The following NBAS variants were observed in gnomAD, a reference collection of about 807,000 sequenced individuals.
The protein encoded by NBAS is NAG/BC035112 fusion.
In NBAS, 219 loss-of-function variants were observed where a neutral mutation model predicts 302.5. The observed-to-expected ratio is 0.72, with a 90% CI of 0.65 to 0.81. NBAS has a LOEUF of 0.81. Ranked by LOEUF, NBAS falls within the 30% of genes least tolerant of loss-of-function variation. NBAS has a pLI of 0.00. For missense variants in NBAS, 2,932 were observed against 2,841.6 expected (o/e 1.03, Z -0.72); for synonymous variants, 1,118 against 1,021.6 (o/e 1.09, Z -1.80).
At chr2:14,788,387 G>A in the NBAS span, among the ~76,000 whole-genome samples, 1 of 152,282 alleles carries the variant, frequency 6.6e-6, no homozygotes, top group Non-Finnish European at 1.5e-5. Flanking sequence ...TTTGGAGGAG[G>A]AGAGGCGCTC....
chr2:14,891,599 A>G, the NBAS span, among the ~76,000 whole-genome samples: 1 of 152,208 alleles, frequency 6.6e-6, no homozygotes, highest in Non-Finnish European at 1.5e-5. Flanking sequence ...CTATACTGTC[A>G]TTCCCATTTA....
the NBAS span, among the ~76,000 whole-genome samples, chr2:15,082,808 T>C: frequency 6.6e-6 from 1 of 152,144 alleles, no homozygotes; most frequent in Admixed American, 6.5e-5. Flanking sequence ...CTGGTATCTG[T>C]GTTGGGAGCC....
At chr2:15,138,703 A>G in the NBAS span, among the ~76,000 whole-genome samples, 3 of 152,112 alleles carry the variant, frequency 2.0e-5, no homozygotes, top group Non-Finnish European at 4.4e-5. Context: ...CAAAAAAAAA[A>G]GCAATAACCA....
At chr2:15,100,357 C>T in the NBAS span, among the ~76,000 whole-genome samples, 6 of 152,154 alleles carry the variant, frequency 3.9e-5, no homozygotes, top group South Asian at 2.1e-4. Context: ...ATAGCTCACA[C>T]GTGAAATTCA....
intron 44 of NBAS, among the ~76,000 whole-genome samples, chr2:15,266,387 C>A (rs1207605554): frequency 6.6e-6 from 1 of 152,054 alleles, no homozygotes; most frequent in African/African-American, 2.4e-5. Context: ...AGTAATCTTA[C>A]TACATTTTTC....
rs144406751 is a variant in NBAS at position 15,481,363 on chromosome 2, C to T, written c.1084-3074G>A. ...TAATAAGCATGTATGTGCACTGAAG[C>T]TAGCCTCAACTTACCATCCTTCCAC... On this transcript the variant is annotated intron_variant, in intron 12 of 51. Coordinates refer to ENST00000281513, the MANE Select transcript of NBAS (RefSeq NM_015909.4). Among the ~76,000 whole-genome samples the T allele has an allele frequency of 1.8e-3, 280 of 152,266 alleles. 1 individual carries two copies. The highest frequency in any genetic ancestry group is 0.013 in the East Asian group (68 of 5,184).
chr2:15,245,608 AGGAT>A (rs57408257), intron 44 of NBAS, among the ~76,000 whole-genome samples: 1,576 of 148,146 alleles, frequency 0.011, 12 homozygotes, highest in East Asian at 0.029. Context: ...GTTGAATGGA[AGGAT>A]GGATGGATGG....
chr2:15,508,641 A>ATTTG (rs1553328590), intron 10 of NBAS, among the ~76,000 whole-genome samples: 1 of 151,536 alleles, frequency 6.6e-6, no homozygotes, highest in Admixed American at 6.6e-5. Context: ...CTTTATCTCT[A>ATTTG]TGTGTGTGTC....
the NBAS span, among the ~76,000 whole-genome samples, chr2:15,132,410 T>C: frequency 6.6e-6 from 1 of 151,856 alleles, no homozygotes; most frequent in Non-Finnish European, 1.5e-5. Flanking sequence ...TTTCCAGGGG[T>C]TAAGGGGGAG....
At chr2:14,966,771 T>G in the NBAS span, among the ~76,000 whole-genome samples, 5 of 152,216 alleles carry the variant, frequency 3.3e-5, no homozygotes, top group African/African-American at 1.2e-4. Flanking sequence ...GCCGTTTCTA[T>G]TCAGTATCAT....
the NBAS span, among the ~76,000 whole-genome samples, chr2:15,109,571 C>T: frequency 1.3e-5 from 2 of 152,262 alleles, no homozygotes; most frequent in South Asian, 4.1e-4. Context: ...ATTTATTTCT[C>T]ACAGTTCTGG....
chr2:15,296,081 A>C (rs1186815899), intron 40 of NBAS, among the ~76,000 whole-genome samples: 1 of 152,256 alleles, frequency 6.6e-6, no homozygotes, highest in Non-Finnish European at 1.5e-5. Flanking sequence ...AAATATAAGC[A>C]GACTTACACA....
the NBAS span, among the ~76,000 whole-genome samples, chr2:14,844,448 CT>C: frequency 6.6e-6 from 1 of 152,194 alleles, no homozygotes; most frequent in African/African-American, 2.4e-5. Flanking sequence ...AACTTGCTGA[CT>C]TCAGGTGAGA....
At chr2:14,825,712 A>C in the NBAS span, among the ~76,000 whole-genome samples, 3 of 152,096 alleles carry the variant, frequency 2.0e-5, no homozygotes, top group African/African-American at 4.8e-5. Context: ...AGCAATTCAA[A>C]CTCTCCAAGA....
At chr2:15,535,225 T>C (rs1463326421) in intron 8 of NBAS, among the ~76,000 whole-genome samples, 1 of 152,128 alleles carries the variant, frequency 6.6e-6, no homozygotes, top group Non-Finnish European at 1.5e-5. Context: ...GCCCTTGATA[T>C]AAAATGGCAT....
the NBAS span, among the ~76,000 whole-genome samples, chr2:15,131,992 T>C: frequency 1.5e-4 from 23 of 152,324 alleles, no homozygotes; most frequent in South Asian, 4.6e-3. Context: ...CACCTCCTAC[T>C]AGGCCCCACC....
chr2:15,179,795 C>T (rs959394773), intron 50 of NBAS: 1 of 152,228 alleles, frequency 6.6e-6, no homozygotes, highest in Middle Eastern at 3.2e-3. Context: ...TATTCTCAGC[C>T]CTGTATTTTA....
chr2:14,905,847 C>G, the NBAS span, among the ~76,000 whole-genome samples: 2 of 152,292 alleles, frequency 1.3e-5, no homozygotes, highest in East Asian at 3.9e-4. Context: ...AAGGCAACTT[C>G]CCCAAGGAGG....
intron 38 of NBAS, among the ~76,000 whole-genome samples, chr2:15,310,016 C>T (rs1014055259): frequency 7.9e-5 from 12 of 152,178 alleles, no homozygotes; most frequent in Admixed American, 2.6e-4. Flanking sequence ...CACAGATGCT[C>T]ATGATCGGCA....
Sources: gnomAD v4.1 joint callset for allele counts (sites outside exome capture counted in the v4.1 genomes callset) on GRCh38, gnomAD v4.1.1 for gene constraint, MANE v1.5 for transcripts, NCBI Gene and HGNC (gene_info 2026-07-23, HGNC 2026-07-21) for gene names.